SNX29: variants seen among roughly 807,000 people sequenced by gnomAD.
The protein encoded by SNX29 is sorting nexin-29.
A neutral mutation model predicts 102.1 loss-of-function variants in SNX29; 78 were observed. That is an observed-to-expected ratio of 0.76 (90% CI 0.64 to 0.92). The LOEUF (loss-of-function observed/expected upper bound fraction) is 0.92. Ranked by LOEUF, SNX29 falls within the 40% of genes least tolerant of loss-of-function variation. The probability of loss-of-function intolerance (pLI) is 0.00; values close to 1 mark genes in which losing one functional copy is unlikely to be tolerated. For missense variants in SNX29, 1,280 were observed against 1,061.7 expected (o/e 1.21, Z -2.86); for synonymous variants, 580 against 414.5 (o/e 1.40, Z -4.85).
chr16:12,117,284 G>A (rs537121415), intron 11 of SNX29, among the ~76,000 whole-genome samples: 2 of 146,570 alleles, frequency 1.4e-5, no homozygotes, highest in African/African-American at 2.5e-5. Flanking sequence ...GTGCTTCAAC[G>A]CGGACGAACC....
chr16:12,512,197 G>T (rs1406731618), intron 19 of SNX29, among the ~76,000 whole-genome samples: 2 of 150,866 alleles, frequency 1.3e-5, no homozygotes, highest in Admixed American at 1.3e-4. Flanking sequence ...TAAGTTTGGG[G>T]TGTGAGCATC....
intron 1 of SNX29, among the ~76,000 whole-genome samples, chr16:11,996,895 G>A (rs768611507): frequency 4.6e-5 from 7 of 152,124 alleles, no homozygotes; most frequent in Admixed American, 1.3e-4. Flanking sequence ...ATTCTTGATC[G>A]AAACCTCTTC....
chr16:12,294,556 G>C (rs1241961704), intron 15 of SNX29, among the ~76,000 whole-genome samples: 1 of 152,136 alleles, frequency 6.6e-6, no homozygotes, highest in Non-Finnish European at 1.5e-5. Context: ...TAGCATTCTG[G>C]ATGGCTGTGG....
chr16:12,286,941 C>T (rs1489246541), intron 15 of SNX29, among the ~76,000 whole-genome samples: 1 of 152,124 alleles, frequency 6.6e-6, no homozygotes, highest in East Asian at 1.9e-4. Context: ...TTTAAAAAGC[C>T]TGTTAAAAGA....
intron 1 of SNX29, 86 bp downstream of exon 1, chr16:11,976,899 G>C: frequency 7.8e-7 from 1 of 1,281,674 alleles, no homozygotes; most frequent in South Asian, 2.4e-5. Context: ...CTGCGTCCTC[G>C]CGCCCCGCTC....
chr16:12,122,919 C>T (rs962507477), intron 11 of SNX29, among the ~76,000 whole-genome samples: 1 of 152,080 alleles, frequency 6.6e-6, no homozygotes, highest in East Asian at 1.9e-4. Context: ...CTCTGCCTCC[C>T]AGGTTCAAGC....
chr16:12,133,848 T>C (rs1477153288), intron 13 of SNX29, among the ~76,000 whole-genome samples: 2 of 152,216 alleles, frequency 1.3e-5, no homozygotes, highest in Non-Finnish European at 2.9e-5. Context: ...ATTCGAATGC[T>C]AAGTATGCGC....
At chr16:12,568,015 A>C (rs1241143968) in intron 20 of SNX29, among the ~76,000 whole-genome samples, 4 of 152,164 alleles carry the variant, frequency 2.6e-5, no homozygotes, top group African/African-American at 7.2e-5. Flanking sequence ...ACCATGCCAA[A>C]CAACCTTTTA....
intron 11 of SNX29, among the ~76,000 whole-genome samples, chr16:12,110,833 T>A (rs527474460): frequency 8.5e-5 from 13 of 152,210 alleles, no homozygotes; most frequent in Non-Finnish European, 1.3e-4. Context: ...TTTTTAATTT[T>A]TTTTTTTTGA....
At chr16:12,298,432 A>G (rs1285415462) in intron 15 of SNX29, among the ~76,000 whole-genome samples, 1 of 152,170 alleles carries the variant, frequency 6.6e-6, no homozygotes, top group Non-Finnish European at 1.5e-5. Context: ...TGTGCAGATT[A>G]TACCTTTCTT....
chr16:12,428,293 G>C (rs917423724), intron 18 of SNX29, among the ~76,000 whole-genome samples: 6 of 152,136 alleles, frequency 3.9e-5, no homozygotes, highest in Non-Finnish European at 8.8e-5. Flanking sequence ...GAGACAATTT[G>C]GACATTGGAA....
intron 11 of SNX29, among the ~76,000 whole-genome samples, chr16:12,123,014 A>T (rs1277554810): frequency 6.6e-6 from 1 of 151,946 alleles, no homozygotes; most frequent in East Asian, 1.9e-4. Flanking sequence ...TTTAGTAGAG[A>T]TGAGGTTTCA....
intron 18 of SNX29, among the ~76,000 whole-genome samples, chr16:12,425,712 T>C (rs772066778): frequency 6.6e-6 from 1 of 152,086 alleles, no homozygotes; most frequent in Non-Finnish European, 1.5e-5. Flanking sequence ...TCCTGGAGTT[T>C]GCACAGATGA....
At chr16:12,196,622 CTTTT>C (rs34779383) in intron 13 of SNX29, among the ~76,000 whole-genome samples, 3 of 129,656 alleles carry the variant, frequency 2.3e-5, no homozygotes, top group Non-Finnish European at 1.6e-5. Flanking sequence ...TTTCTTTTTT[CTTTT>C]TTTTTTTTTT....
chr16:12,014,434 C>T (rs2056779244), intron 3 of SNX29, among the ~76,000 whole-genome samples: 1 of 151,896 alleles, frequency 6.6e-6, no homozygotes, highest in Non-Finnish European at 1.5e-5. Context: ...ATATTAGTAA[C>T]ATTTGGAAAT....
chr16:12,496,529 T>TTTCC lies in SNX29; in HGVS notation c.2178+18670_2178+18671insTTCC, dbSNP rs1384093862. Among the ~76,000 whole-genome samples the TTTCC allele has an allele frequency of 3.4e-3, 470 of 139,832 alleles. 6 individuals are homozygous for TTTCC. The highest frequency in any genetic ancestry group is 0.011 in the African/African-American group (438 of 38,458). 91.7% of individuals were successfully genotyped at this position (139,832 alleles called of 152,430 possible). On this transcript the variant is annotated intron_variant, in intron 19 of 20. Coordinates refer to ENST00000566228, the MANE Select transcript of SNX29 (RefSeq NM_032167.5). ...TGGCTTTTTTTTTTTTTTTTTTTTT[T>TTTCC]AAACCTAGTCTTGCTCTGTTTCCCA...
At chr16:12,375,098 C>G (rs2082824341) in intron 16 of SNX29, 1 of 152,102 alleles carries the variant, frequency 6.6e-6, no homozygotes, top group Non-Finnish European at 1.5e-5. Flanking sequence ...AGCAACAGTG[C>G]AAGTGGGAGG....
intron 18 of SNX29, among the ~76,000 whole-genome samples, chr16:12,425,696 A>T (rs1323716887): frequency 6.6e-6 from 1 of 152,002 alleles, no homozygotes; most frequent in African/African-American, 2.4e-5. Flanking sequence ...ACTCAAATAG[A>T]GTGTGTCCTG....
chr16:12,537,388 T>G (rs1329726605), intron 20 of SNX29, among the ~76,000 whole-genome samples: 1 of 152,224 alleles, frequency 6.6e-6, no homozygotes, highest in African/African-American at 2.4e-5. Flanking sequence ...AGAGCAAGAC[T>G]TTGAGCCAAA....
Sources: allele counts gnomAD v4.1 joint callset (sites outside exome capture counted in the v4.1 genomes callset), GRCh38; gene constraint gnomAD v4.1.1; transcripts MANE v1.5; gene names NCBI Gene and HGNC (gene_info 2026-07-23, HGNC 2026-07-21).